The following ZNF469 variants were observed in gnomAD, a reference collection of about 807,000 sequenced individuals.
ZNF469 encodes the protein zinc finger protein 469.
ZNF469 carries 1 observed loss-of-function variant against 1.0 expected under a neutral mutation model. The observed-to-expected ratio is 1.00, with a 90% CI of 0.35 to 4.73. ZNF469 has a LOEUF of 4.73. Ranked by LOEUF, ZNF469 falls within the 30% of genes most tolerant of loss-of-function variation. The probability of loss-of-function intolerance (pLI) is 0.16; values close to 1 mark genes in which losing one functional copy is unlikely to be tolerated. For synonymous variants in ZNF469, 2,703 were observed against 2,363.4 expected, an observed-to-expected ratio of 1.14 and a Z score of -4.17; for missense variants, 6,100 against 5,356.3, an observed-to-expected ratio of 1.14 and a Z score of -4.33.
intron 1 of ZNF469, among the ~76,000 whole-genome samples, chr16:88,401,469 AGATGGATG>A (rs57440613): frequency 9.4e-6 from 1 of 106,926 alleles, no homozygotes; most frequent in East Asian, 2.5e-4. Flanking sequence ...GTGGGTGGGC[AGATGGATG>A]GATGGATGGA....
the ZNF469 span, among the ~76,000 whole-genome samples, chr16:88,162,151 T>G: frequency 6.6e-6 from 1 of 152,030 alleles, no homozygotes; most frequent in Non-Finnish European, 1.5e-5. Context: ...AACATGAGAG[T>G]TGAGAAAATC....
the ZNF469 span, among the ~76,000 whole-genome samples, chr16:88,356,134 A>C: frequency 6.6e-6 from 1 of 152,112 alleles, no homozygotes; most frequent in Admixed American, 6.5e-5. Context: ...TGTGTACCCC[A>C]AAATCACACC....
chr16:88,411,646 A>G (rs552005285), intron 1 of ZNF469, among the ~76,000 whole-genome samples: 1 of 152,064 alleles, frequency 6.6e-6, no homozygotes, highest in African/African-American at 2.4e-5. Flanking sequence ...AGCTGGAGAC[A>G]GGTGTCAAAA....
At chr16:88,231,197 C>G in the ZNF469 span, among the ~76,000 whole-genome samples, 5 of 152,256 alleles carry the variant, frequency 3.3e-5, no homozygotes, top group East Asian at 9.6e-4. The surrounding 1 kb of genome is among the most constrained non-coding windows in gnomAD (Gnocchi z 4.5). Flanking sequence ...GGGAAGGCAA[C>G]ACTGTTGCCC....
chr16:88,219,187 T>C, the ZNF469 span, among the ~76,000 whole-genome samples: 1 of 148,648 alleles, frequency 6.7e-6, no homozygotes, highest in Non-Finnish European at 1.5e-5. Context: ...AAAATGGCCA[T>C]ACTGCCCAAG....
At position 88,430,641 on chromosome 16, in the gene ZNF469, G is replaced by C; in HGVS notation, c.3171G>C (p.Gln1057His). The change falls in exon 3 of 3, where the codon CAG (glutamine) becomes CAC (histidine). Residue 1057 changes from glutamine to histidine, a missense_variant. Physicochemically the swap from Gln to His is conservative, Grantham distance 24. Coordinates refer to ENST00000565624, the MANE Select transcript of ZNF469 (RefSeq NM_001367624.2). ...AGCTCATTCTGAAGATCGTGCAGCA[G>C]AAGAACAGGCGCCACCGGCGGCTGG... ...GKELILKIVQ[Q>H]KNRRHRRLGR... The C allele has an allele frequency of 6.7e-7, 1 of 1,498,202 alleles. No homozygotes were observed. The highest frequency in any genetic ancestry group is 1.8e-4 in the Middle Eastern group (1 of 5,522). 92.8% of individuals were successfully genotyped at this position (1,498,202 alleles called of 1,614,324 possible).
the ZNF469 span, among the ~76,000 whole-genome samples, chr16:88,206,669 G>GTCTT: frequency 1.1e-4 from 16 of 151,672 alleles, no homozygotes; most frequent in Non-Finnish European, 2.4e-4. Context: ...GGAACCCTGC[G>GTCTT]TCTTTCTTTC....
At chr16:88,167,887 T>C in the ZNF469 span, among the ~76,000 whole-genome samples, 1 of 152,234 alleles carries the variant, frequency 6.6e-6, no homozygotes, top group African/African-American at 2.4e-5. Context: ...AGAATAATGT[T>C]GGCTTCGAGG....
chr16:88,423,630 C>A (rs150904004), intron 1 of ZNF469, among the ~76,000 whole-genome samples: 1 of 152,316 alleles, frequency 6.6e-6, no homozygotes, highest in East Asian at 1.9e-4. Flanking sequence ...CACAAGGTTG[C>A]GGTCAGAATG....
the ZNF469 span, among the ~76,000 whole-genome samples, chr16:88,104,561 C>T: frequency 2.0e-5 from 3 of 152,258 alleles, no homozygotes; most frequent in African/African-American, 7.2e-5. Context: ...TGGTCCTGTC[C>T]CATGCGTGGG....
the ZNF469 span, among the ~76,000 whole-genome samples, chr16:88,284,682 C>T: frequency 6.6e-6 from 1 of 151,720 alleles, no homozygotes; most frequent in South Asian, 2.1e-4. Flanking sequence ...CAACACTCTG[C>T]AGGGTGGGTC....
chr16:88,431,059 G>A lies in ZNF469; in HGVS notation c.3589G>A (p.Val1197Met). ...GGPKCADRPS[V>M]APKDPLQVPT... ...CCCCAAGTGTGCTGATCGCCCCTCAGTGGCCCCCAAGGATCCCCTGCAGGT... is the reference window on the plus strand; with the variant it reads ...CCCCAAGTGTGCTGATCGCCCCTCAATGGCCCCCAAGGATCCCCTGCAGGT... The change falls in exon 3 of 3, where the codon GTG (valine) becomes ATG (methionine). Residue 1197 changes from valine to methionine, a missense_variant. Coordinates refer to ENST00000565624, the MANE Select transcript of ZNF469 (RefSeq NM_001367624.2). The A allele has an allele frequency of 6.5e-7, 1 of 1,549,098 alleles. No individual in the cohort carries two copies. The highest frequency in any genetic ancestry group is 8.7e-7 in the Non-Finnish European group (1 of 1,146,838).
chr16:88,215,051 C>G, the ZNF469 span, among the ~76,000 whole-genome samples: 1 of 152,262 alleles, frequency 6.6e-6, no homozygotes, highest in East Asian at 1.9e-4. Context: ...TTTGAATAAT[C>G]TTTAATTCCA....
chr16:88,122,289 C>T, the ZNF469 span, among the ~76,000 whole-genome samples: 10 of 151,476 alleles, frequency 6.6e-5, no homozygotes, highest in Admixed American at 5.9e-4. Context: ...CTTGCTACGG[C>T]CACGATGGCC....
chr16:88,296,876 A>C, the ZNF469 span, among the ~76,000 whole-genome samples: 1 of 152,222 alleles, frequency 6.6e-6, no homozygotes, highest in Non-Finnish European at 1.5e-5. Flanking sequence ...GGACAGGCAC[A>C]CCAGGCAGAA....
the ZNF469 span, among the ~76,000 whole-genome samples, chr16:88,137,120 C>T: frequency 6.6e-6 from 1 of 152,188 alleles, no homozygotes; most frequent in Non-Finnish European, 1.5e-5. Context: ...GTGCATACAG[C>T]CATGTGCACA....
the ZNF469 span, among the ~76,000 whole-genome samples, chr16:88,348,188 G>A: frequency 2.0e-4 from 30 of 152,318 alleles, no homozygotes; most frequent in African/African-American, 3.8e-4. Flanking sequence ...CTCTGGGGCC[G>A]GAAGTGCAAA....
chr16:88,229,546 G>C, the ZNF469 span, among the ~76,000 whole-genome samples: 2 of 133,204 alleles, frequency 1.5e-5, no homozygotes, highest in East Asian at 4.7e-4. Context: ...CACGCGTGTG[G>C]ATGTCACACG....
chr16:88,180,537 C>T, the ZNF469 span, among the ~76,000 whole-genome samples: 789 of 152,166 alleles, frequency 5.2e-3, no homozygotes, highest in Middle Eastern at 0.014. Context: ...TTTGGGAGGC[C>T]GAGGCGGGTG....
Sources: allele counts gnomAD v4.1 joint callset (sites outside exome capture counted in the v4.1 genomes callset), GRCh38; gene constraint gnomAD v4.1.1; non-coding constraint Gnocchi (gnomAD v3.1); transcripts MANE v1.5; gene names NCBI Gene and HGNC (gene_info 2026-07-23, HGNC 2026-07-21).